APBA2: variants seen among roughly 807,000 people sequenced by gnomAD.
APBA2 encodes amyloid beta precursor protein binding family A member 2.
In APBA2, 30 loss-of-function variants were observed where a neutral mutation model predicts 75.0. That is an observed-to-expected ratio of 0.40 (90% CI 0.30 to 0.54). The LOEUF (loss-of-function observed/expected upper bound fraction) is 0.54. Ranked by LOEUF, APBA2 falls within the 20% of genes least tolerant of loss-of-function variation. APBA2 has a pLI of 0.49. For missense variants in APBA2, 801 were observed against 1,016.1 expected, an observed-to-expected ratio of 0.79 and a Z score of 2.88; for synonymous variants, 444 against 409.6, an observed-to-expected ratio of 1.08 and a Z score of -1.01.
At position 28,900,259 on chromosome 15, in the gene APBA2, A is replaced by G. The variant is rs1260046598; in HGVS notation, c.-205+13981A>G. ...AGCCTGGCAGTGTGGCTGTGTGGGAATGGGTGACAGGTGCTGTTCTCCCCA... is the reference window on the plus strand; with the variant it reads ...AGCCTGGCAGTGTGGCTGTGTGGGAGTGGGTGACAGGTGCTGTTCTCCCCA... On this transcript the variant is annotated intron_variant, in intron 1 of 14. Transcript: ENST00000683413. 2.6e-5 allele frequency among the ~76,000 whole-genome samples: 4 copies of G among 152,278 alleles called. No individual in the cohort carries two copies. The East Asian group carries it at 7.7e-4, about 29-fold the overall frequency.
chr15:29,030,299 A>G (rs979797960), intron 3 of APBA2, among the ~76,000 whole-genome samples: 3 of 152,028 alleles, frequency 2.0e-5, no homozygotes, highest in Non-Finnish European at 4.4e-5. Context: ...CTCTACTAAA[A>G]ATACTTAAAA....
chr15:28,979,753 G>A (rs545534682), intron 2 of APBA2, among the ~76,000 whole-genome samples: 62 of 152,286 alleles, frequency 4.1e-4, no homozygotes, highest in Non-Finnish European at 1.0e-4. Flanking sequence ...CTCTGACCCC[G>A]TAGGTTTGGC....
chr15:29,040,348 C>G (rs1486524621), intron 3 of APBA2, among the ~76,000 whole-genome samples: 2 of 152,274 alleles, frequency 1.3e-5, no homozygotes, highest in East Asian at 3.9e-4. Flanking sequence ...ACTTTATGGG[C>G]AGAGGAACCA....
At chr15:29,021,774 G>A (rs922919889) in intron 3 of APBA2, among the ~76,000 whole-genome samples, 1 of 152,024 alleles carries the variant, frequency 6.6e-6, no homozygotes, top group Admixed American at 6.6e-5. Flanking sequence ...AGCTGATACC[G>A]TGTACCCTCG....
At chr15:28,919,992 C>T (rs145878513) in intron 1 of APBA2, among the ~76,000 whole-genome samples, 88 of 152,314 alleles carry the variant, frequency 5.8e-4, no homozygotes, top group African/African-American at 2.0e-3. Flanking sequence ...GGCCCCTCCT[C>T]GGCCTTTGCA....
rs779264391 is a variant in APBA2, at chr15:29,101,681, G to A, written c.1421G>A (p.Arg474His). 18 of 1,613,462 alleles carry A rather than the reference G, an allele frequency of 1.1e-5. No homozygotes were observed. The highest frequency in any genetic ancestry group is 1.7e-5 in the Admixed American group (1 of 59,994). Residue 474 changes from arginine to histidine, a missense_variant, in exon 10 of 15, where the codon CGC becomes CAC. Physicochemically the swap from Arg to His is conservative, Grantham distance 29. Transcript: ENST00000683413. ...ATTGTAGTGCTGATGGCCAGACGCC[G>A]CATGCCCCGGTCAGCCTCTCAGGAC... The part of the protein sequence containing the change: ...GNIVVLMARR[R>H]MPRSASQDCI...
chr15:29,020,213 C>T (rs1481728788), intron 3 of APBA2, among the ~76,000 whole-genome samples: 2 of 151,856 alleles, frequency 1.3e-5, no homozygotes, highest in African/African-American at 4.8e-5. Context: ...TTAATACATC[C>T]TGGATGCTCA....
intron 1 of APBA2, among the ~76,000 whole-genome samples, chr15:28,891,179 T>C (rs137898927): frequency 0.98 from 149,277 of 152,332 alleles, 73,156 homozygotes; most frequent in East Asian, 1. Context: ...AGTTTCATCC[T>C]TCTTTGTTTG....
At chr15:29,009,213 A>G (rs532008981) in intron 3 of APBA2, among the ~76,000 whole-genome samples, 3 of 152,302 alleles carry the variant, frequency 2.0e-5, no homozygotes, top group Admixed American at 6.5e-5. Context: ...CCCCTGCCCA[A>G]GATATGGTGC....
intron 13 of APBA2, among the ~76,000 whole-genome samples, chr15:29,111,035 G>C (rs574205525): frequency 6.6e-6 from 1 of 152,222 alleles, no homozygotes; most frequent in Non-Finnish European, 1.5e-5. Context: ...GAAGATCAGG[G>C]GGTGCAGGGT....
intron 2 of APBA2, among the ~76,000 whole-genome samples, chr15:28,933,864 G>A (rs900993347): frequency 3.3e-5 from 5 of 152,176 alleles, no homozygotes; most frequent in South Asian, 2.1e-4. Context: ...ATGCTGGAGC[G>A]CAAGGAGGGG....
At chr15:29,016,597 G>C (rs2152822808) in intron 3 of APBA2, among the ~76,000 whole-genome samples, 1 of 152,294 alleles carries the variant, frequency 6.6e-6, no homozygotes, top group Non-Finnish European at 1.5e-5. Flanking sequence ...TAGAAATCAA[G>C]AGCCAGGGGA....
intron 2 of APBA2, among the ~76,000 whole-genome samples, chr15:28,927,678 C>T (rs1486122983): frequency 6.6e-6 from 1 of 151,690 alleles, no homozygotes; most frequent in Non-Finnish European, 1.5e-5. Context: ...CCCCCCGCCT[C>T]AGCCTCCCAA....
chr15:28,932,674 G>T (rs1429052158), intron 2 of APBA2, among the ~76,000 whole-genome samples: 1 of 152,210 alleles, frequency 6.6e-6, no homozygotes, highest in Non-Finnish European at 1.5e-5. Context: ...GCTGCCTATT[G>T]TGATAGTGGA....
At chr15:28,898,453 G>T (rs528837261) in intron 1 of APBA2, among the ~76,000 whole-genome samples, 1 of 152,180 alleles carries the variant, frequency 6.6e-6, no homozygotes, top group African/African-American at 2.4e-5. Flanking sequence ...GGCTTGCCAC[G>T]TAACGTTGAG....
chr15:29,053,441 T>C (rs1043382384), intron 3 of APBA2, among the ~76,000 whole-genome samples: 3 of 152,160 alleles, frequency 2.0e-5, no homozygotes. Context: ...TCCCTCCTCA[T>C]TGGTCCTCAT....
At chr15:29,107,222 C>T (rs1324622144) in intron 12 of APBA2, among the ~76,000 whole-genome samples, 1 of 152,144 alleles carries the variant, frequency 6.6e-6, no homozygotes, top group South Asian at 2.1e-4. Context: ...GGTGGGGCAC[C>T]CTGCATGGGT....
chr15:28,978,465 A>G (rs2037455036), intron 2 of APBA2, among the ~76,000 whole-genome samples: 1 of 152,186 alleles, frequency 6.6e-6, no homozygotes, highest in Non-Finnish European at 1.5e-5. Context: ...CTGGGCCTGG[A>G]TGACTTTAAT....
intron 2 of APBA2, among the ~76,000 whole-genome samples, chr15:28,961,915 T>C (rs2036494203): frequency 2.0e-5 from 3 of 152,206 alleles, no homozygotes; most frequent in Admixed American, 6.5e-5. Flanking sequence ...TTGTTGCTTC[T>C]CTAAAGAGAT....
Sources: allele counts gnomAD v4.1 joint callset (sites outside exome capture counted in the v4.1 genomes callset), GRCh38; gene constraint gnomAD v4.1.1; transcripts MANE v1.5; gene names NCBI Gene and HGNC (gene_info 2026-07-23, HGNC 2026-07-21).